PTOV1: variants seen among roughly 807,000 people sequenced by gnomAD.
The protein encoded by PTOV1 is prostate tumor-overexpressed gene 1 protein.
In PTOV1, 20 loss-of-function variants were observed where a neutral mutation model predicts 58.0. The observed-to-expected ratio is 0.34, with a 90% CI of 0.24 to 0.50. The LOEUF is 0.50. PTOV1 is among the 20% of genes least tolerant of loss of function. The probability of loss-of-function intolerance (pLI) is 0.98; values close to 1 mark genes in which losing one functional copy is unlikely to be tolerated. For synonymous variants in PTOV1, 335 were observed against 234.2 expected (o/e 1.43, Z -3.93); for missense variants, 593 against 565.4 (o/e 1.05, Z -0.50).
In PTOV1 at chr19:49,860,249, C is replaced by G. The variant is rs760870531; in HGVS notation, c.1240-19C>G. On this transcript the variant is annotated intron_variant, in intron 11 of 11. Coordinates refer to ENST00000391842, the Ensembl canonical transcript of PTOV1. Reference sequence around the variant, plus strand: ...CCCCCGCTGCCTGCTCACCACTGGCCTCTGATTTCTCGCCGTAGATGGGGG... The same window carrying G: ...CCCCCGCTGCCTGCTCACCACTGGCGTCTGATTTCTCGCCGTAGATGGGGG... The G allele has an allele frequency of 1.5e-5, 24 of 1,613,766 alleles. No individual in the cohort carries two copies. The highest frequency in any genetic ancestry group is 2.2e-5 in the East Asian group (1 of 44,856).
chr19:49,857,249 C>A, intron 6 of PTOV1, 119 bp downstream of exon 6: 2 of 1,396,766 alleles, frequency 1.4e-6, no homozygotes, highest in Non-Finnish European at 2.0e-6. Flanking sequence ...CAAGGAGCTG[C>A]AGGGGAGCCC....
At position 49,854,401 on chromosome 19, in the gene PTOV1, T is replaced by G. The variant is rs768518553; in HGVS notation, c.172-5T>G. On this transcript the variant is annotated splice_polypyrimidine_tract_variant and splice_region_variant and intron_variant, in intron 1 of 11. Coordinates refer to ENST00000391842, the Ensembl canonical transcript of PTOV1. ...TTTTCCCACCTATCCCCCACTCCATTGCAGGAAGGTGCTCGGGTCTTCGGG... is the reference window on the plus strand; with the variant it reads ...TTTTCCCACCTATCCCCCACTCCATGGCAGGAAGGTGCTCGGGTCTTCGGG... 6.2e-7 allele frequency: 1 copy of G among 1,606,334 alleles called. No homozygotes were observed. Among genetic ancestry groups the G allele is most frequent in the Non-Finnish European group, 8.5e-7 (1 of 1,176,160 alleles).
rs2074234513 is a variant in PTOV1 at position 49,851,306 on chromosome 19, C to T, written c.-23C>T. 4.7e-6 allele frequency: 5 copies of T among 1,055,238 alleles called. No homozygotes were observed. In the South Asian group the frequency reaches 2.2e-4, roughly 46 times the overall value. 65.4% of individuals were successfully genotyped at this position (1,055,238 alleles called of 1,614,324 possible). A position where few individuals can be genotyped will look rare whatever the true frequency, so the allele number is the denominator to read the frequency against. ...CCCCTTGTGGCCCGCGGCAGCTCCC[C>T]GCCCGCTCGGCCCGCGCCCGCCATG... On this transcript the variant is annotated 5_prime_UTR_variant, in exon 1 of 12. Coordinates refer to ENST00000391842, the Ensembl canonical transcript of PTOV1.
upstream of PTOV1, chr19:49,851,091 G>A: frequency 2.8e-6 from 4 of 1,424,496 alleles, no homozygotes; most frequent in Non-Finnish European, 3.7e-6. Context: ...CCCCCGCGCC[G>A]CCTTGGTACG....
At chr19:49,859,613 C>T (rs144826047) in intron 10 of PTOV1, among the ~76,000 whole-genome samples, 62 of 152,098 alleles carry the variant, frequency 4.1e-4, no homozygotes, top group Middle Eastern at 3.4e-3. Context: ...CCCAGAAAGG[C>T]TCCATGTACC....
chr19:49,852,076 G>A, intron 1 of PTOV1: 1 of 985,354 alleles, frequency 1.0e-6, no homozygotes, highest in African/African-American at 1.7e-5. Flanking sequence ...AGGTACTTTG[G>A]GCTGCACACG....
chr19:49,858,763 C>A, intron 10 of PTOV1, 110 bp downstream of exon 10: 4 of 945,674 alleles, frequency 4.2e-6, no homozygotes, highest in Admixed American at 2.1e-5. Flanking sequence ...CCCAGACCAG[C>A]TGGGGAGAGA....
chr19:49,859,917 G>C, intron 10 of PTOV1, 69 bp from the exon 11 acceptor site: 2 of 1,515,074 alleles, frequency 1.3e-6, no homozygotes, highest in Non-Finnish European at 1.8e-6. Context: ...CCCACGGCAT[G>C]ATGCCGTGGT....
In PTOV1 at chr19:49,860,249, C is replaced by T. The variant is rs760870531; in HGVS notation, c.1240-19C>T. The T allele has an allele frequency of 5.0e-6, 8 of 1,613,648 alleles. No individual in the cohort carries two copies. The Admixed American group carries it at 1.0e-4, about 20-fold the overall frequency. On this transcript the variant is annotated intron_variant, in intron 11 of 11. Coordinates refer to ENST00000391842, the Ensembl canonical transcript of PTOV1. ...CCCCCGCTGCCTGCTCACCACTGGC[C>T]TCTGATTTCTCGCCGTAGATGGGGG...
rs978308000 is a variant in PTOV1, at chr19:49,859,857, G to C, written c.1042-129G>C. ...CAATAAGGGGGCCCACCTCCAGGGT[G>C]GGTGGGGGGTGTGAGGACAGAGCAG... On this transcript the variant is annotated intron_variant, in intron 10 of 11. Transcript: ENST00000391842. 6 of 976,064 alleles carry C rather than the reference G, an allele frequency of 6.1e-6. No homozygotes were observed. In the Admixed American group the frequency reaches 1.0e-4, roughly 16 times the overall value. 60.5% of individuals were successfully genotyped at this position (976,064 alleles called of 1,614,324 possible).
intron 1 of PTOV1, chr19:49,851,977 G>T (rs1381192338): frequency 1.0e-6 from 1 of 985,090 alleles, no homozygotes; most frequent in Non-Finnish European, 1.2e-6. Flanking sequence ...CGTGGAGTGC[G>T]CACCTAGAAT....
Position 49,854,748 on chromosome 19 carries a change from C to A in PTOV1, c.392+14C>A, listed in dbSNP as rs1555806304. 1 of 1,613,188 alleles carries A rather than the reference C, an allele frequency of 6.2e-7. No individual in the cohort carries two copies. The highest frequency in any genetic ancestry group is 8.5e-7 in the Non-Finnish European group (1 of 1,179,940). On this transcript the variant is annotated intron_variant, in intron 3 of 11. Transcript: ENST00000391842. ...AGGCGAGAACCTGTGAGTGCCGGGG[C>A]GTGGCAGCCAGGGCGGTGGCAGGGG...
chr19:49,852,078 C>G (rs1415674075), intron 1 of PTOV1: 1 of 985,250 alleles, frequency 1.0e-6, no homozygotes, highest in Non-Finnish European at 1.2e-6. Context: ...GTACTTTGGG[C>G]TGCACACGCT....
chr19:49,860,682 A>G, exon 12 of PTOV1: 1 of 379,498 alleles, frequency 2.6e-6, no homozygotes, highest in South Asian at 4.2e-5. Flanking sequence ...TGGTGTCCTG[A>G]GGCCTCCAAG....
chr19:49,851,545 C>T, intron 1 of PTOV1, 46 bp downstream of exon 1: 3 of 1,099,168 alleles, frequency 2.7e-6, no homozygotes, highest in East Asian at 7.2e-5. Flanking sequence ...GCCCCGCCCC[C>T]CCAGCCCCTA....
At chr19:49,858,569 C>G in exon 10 of PTOV1, 2 of 1,603,306 alleles carry the variant, frequency 1.2e-6, no homozygotes, top group Admixed American at 1.7e-5. Flanking sequence ...TGCCGCTGTT[C>G]CGGAACTCGC....
intron 1 of PTOV1, among the ~76,000 whole-genome samples, chr19:49,853,908 T>C (rs1223340022): frequency 6.6e-6 from 1 of 152,108 alleles, no homozygotes; most frequent in Non-Finnish European, 1.5e-5. Flanking sequence ...GAGGAAGGAA[T>C]TGAACTTTGG....
chr19:49,859,994 C>G, exon 11 of PTOV1: 2 of 1,614,108 alleles, frequency 1.2e-6, no homozygotes, highest in Non-Finnish European at 1.7e-6. Flanking sequence ...AGGCCGGCTG[C>G]GTGCACTTTT....
chr19:49,855,898 AGAAAGGGGGCTTGGGCTGT>A (rs952271529), intron 5 of PTOV1, among the ~76,000 whole-genome samples: 1 of 152,086 alleles, frequency 6.6e-6, no homozygotes, highest in African/African-American at 2.4e-5. Context: ...AGGGCAGGTC[AGAAAGGGGGCTTGGGCTGT>A]GAAAGATGGC....
Sources: gnomAD v4.1 joint callset for allele counts (sites outside exome capture counted in the v4.1 genomes callset) on GRCh38, gnomAD v4.1.1 for gene constraint, MANE v1.5 for transcripts, NCBI Gene and HGNC (gene_info 2026-07-23, HGNC 2026-07-21) for gene names.